HSD11B1: variants seen among roughly 807,000 people sequenced by gnomAD.
The protein encoded by HSD11B1 is 11-beta-hydroxysteroid dehydrogenase 1.
In HSD11B1, 15 loss-of-function variants were observed where a neutral mutation model predicts 22.1. That is an observed-to-expected ratio of 0.68 (90% CI 0.45 to 1.04). HSD11B1 has a LOEUF of 1.04. Among genes scored for constraint, HSD11B1 ranks in the 50% least tolerant of loss-of-function variants. HSD11B1 has a pLI of 0.00. For missense variants in HSD11B1, 281 were observed against 357.6 expected, an observed-to-expected ratio of 0.79 and a Z score of 1.73; for synonymous variants, 122 against 125.2, an observed-to-expected ratio of 0.97 and a Z score of 0.17.
chr1:209,716,709 T>C (rs1013087521), intron 4 of HSD11B1, among the ~76,000 whole-genome samples: 8 of 151,788 alleles, frequency 5.3e-5, no homozygotes, highest in South Asian at 2.1e-4. Context: ...GGTAGGAAAA[T>C]AGACAAAACA....
intron 1 of HSD11B1, among the ~76,000 whole-genome samples, chr1:209,697,892 T>TTTC (rs1355762471): frequency 2.9e-5 from 3 of 102,714 alleles, no homozygotes; most frequent in African/African-American, 1.1e-4. Context: ...TCCTTTTTTT[T>TTTC]TTTTTTTTTT....
intron 4 of HSD11B1, among the ~76,000 whole-genome samples, chr1:209,724,673 C>T (rs965638451): frequency 1.3e-5 from 2 of 152,128 alleles, no homozygotes; most frequent in Non-Finnish European, 2.9e-5. Flanking sequence ...GGATTTTGCC[C>T]TTTTCAGCTT....
chr1:209,689,753 C>T (rs763643080), intron 1 of HSD11B1, among the ~76,000 whole-genome samples: 1 of 151,706 alleles, frequency 6.6e-6, no homozygotes, highest in Non-Finnish European at 1.5e-5. Flanking sequence ...GATGTCGGCA[C>T]CGTGCTTCTT....
upstream of HSD11B1, among the ~76,000 whole-genome samples, chr1:209,704,460 G>A (rs1464493905): frequency 6.7e-6 from 1 of 148,180 alleles, no homozygotes; most frequent in South Asian, 2.2e-4. Flanking sequence ...GGGTGGGGGG[G>A]TAGGGGGACT....
At chr1:209,711,545 G>C (rs574575128) in intron 4 of HSD11B1, among the ~76,000 whole-genome samples, 4 of 152,288 alleles carry the variant, frequency 2.6e-5, no homozygotes, top group Admixed American at 6.5e-5. Context: ...ATTTACATGA[G>C]GGATGGGGAG....
In HSD11B1 at chr1:209,729,662, T is replaced by G. The variant is rs373963129; in HGVS notation, c.518-2774T>G. Among the ~76,000 whole-genome samples the G allele has an allele frequency of 9.7e-4, 148 of 151,888 alleles. 2 individuals carry two copies. Among genetic ancestry groups the G allele is most frequent in the South Asian group, 5.6e-3 (27 of 4,792 alleles). On this transcript the variant is annotated intron_variant, in intron 4 of 5. Coordinates refer to ENST00000367027, the MANE Select transcript of HSD11B1 (RefSeq NM_005525.4). Reference sequence around the variant, plus strand: ...TGTGTCCCAACATTGAAACCAAAACTAAAGATACAACAAAAAAGAGAAAAC... The same window carrying G: ...TGTGTCCCAACATTGAAACCAAAACGAAAGATACAACAAAAAAGAGAAAAC...
upstream of HSD11B1, among the ~76,000 whole-genome samples, chr1:209,703,777 C>G (rs2076838943): frequency 1.3e-5 from 2 of 152,162 alleles, no homozygotes; most frequent in African/African-American, 4.8e-5. Flanking sequence ...TTTCCCCGCT[C>G]TACTGATAAC....
intron 4 of HSD11B1, among the ~76,000 whole-genome samples, chr1:209,729,782 T>C (rs990045381): frequency 6.6e-6 from 1 of 152,244 alleles, no homozygotes; most frequent in Admixed American, 6.5e-5. Flanking sequence ...TCATTCATTA[T>C]GATCAAGTAG....
At chr1:209,723,037 T>C (rs2076976377) in intron 4 of HSD11B1, among the ~76,000 whole-genome samples, 1 of 152,208 alleles carries the variant, frequency 6.6e-6, no homozygotes. Flanking sequence ...CTACAGTGGC[T>C]GAGTCCCCGC....
chr1:209,705,372 C>T (rs924472675), intron 1 of HSD11B1, among the ~76,000 whole-genome samples: 1 of 83,052 alleles, frequency 1.2e-5, no homozygotes, highest in Non-Finnish European at 2.6e-5. Flanking sequence ...AAGTGGGAGG[C>T]AAAAAAAAAA....
intron 4 of HSD11B1, among the ~76,000 whole-genome samples, chr1:209,720,866 G>A (rs1170729047): frequency 6.6e-6 from 1 of 152,148 alleles, no homozygotes; most frequent in Non-Finnish European, 1.5e-5. Flanking sequence ...CTGAACCTGT[G>A]AATGCAACCT....
At chr1:209,732,402 C>T (rs910906330) in intron 4 of HSD11B1, 34 bp from the exon 5 acceptor site, 4 of 1,613,114 alleles carry the variant, frequency 2.5e-6, no homozygotes, top group Middle Eastern at 1.6e-4. Flanking sequence ...AAATGGGCAG[C>T]CTTATTAACC....
intron 1 of HSD11B1, among the ~76,000 whole-genome samples, chr1:209,689,206 C>T (rs974379349): frequency 6.6e-6 from 1 of 152,136 alleles, no homozygotes; most frequent in Non-Finnish European, 1.5e-5. Flanking sequence ...GCTCCCAGAA[C>T]ACAAACAGCC....
intron 4 of HSD11B1, among the ~76,000 whole-genome samples, chr1:209,709,937 A>AAC (rs71143893): frequency 0.075 from 10,765 of 143,734 alleles, 486 homozygotes; most frequent in East Asian, 0.21. Context: ...CCACATGTGA[A>AAC]ACACACACAC....
chr1:209,732,606 T>A, intron 5 of HSD11B1, 27 bp downstream of exon 5: 1 of 1,590,170 alleles, frequency 6.3e-7, no homozygotes, highest in Non-Finnish European at 8.6e-7. Context: ...GTGTTTTTTT[T>A]TAATTATTAT....
intron 4 of HSD11B1, among the ~76,000 whole-genome samples, chr1:209,708,902 G>C (rs1236710052): frequency 1.3e-5 from 2 of 152,190 alleles, no homozygotes; most frequent in African/African-American, 4.8e-5. Context: ...AGCTGGATGA[G>C]TATCTTTGGT....
intron 4 of HSD11B1, among the ~76,000 whole-genome samples, chr1:209,713,995 C>T (rs1317993358): frequency 6.6e-6 from 1 of 151,876 alleles, no homozygotes; most frequent in African/African-American, 2.4e-5. Flanking sequence ...ATTCTATAAA[C>T]AAACTTGAAC....
chr1:209,732,310 G>A (rs1171779229), intron 4 of HSD11B1, 126 bp from the exon 5 acceptor site: 1 of 990,486 alleles, frequency 1.0e-6, no homozygotes, highest in South Asian at 1.3e-5. Context: ...ACTTCCATGG[G>A]GAATATAGAG....
intron 1 of HSD11B1, among the ~76,000 whole-genome samples, chr1:209,698,928 G>A (rs1389928034): frequency 2.0e-5 from 3 of 152,040 alleles, no homozygotes; most frequent in African/African-American, 4.8e-5. Context: ...CAAGCTACAC[G>A]TGCCAGGCAG....
Sources: gnomAD v4.1 joint callset for allele counts (sites outside exome capture counted in the v4.1 genomes callset) on GRCh38, gnomAD v4.1.1 for gene constraint, MANE v1.5 for transcripts, NCBI Gene and HGNC (gene_info 2026-07-23, HGNC 2026-07-21) for gene names.